The following SERF2 variants were observed in gnomAD, a reference collection of about 807,000 sequenced individuals.
SERF2 encodes the protein gastric cancer-related protein VRG107.
In SERF2, 4 loss-of-function variants were observed where a neutral mutation model predicts 10.7. The observed-to-expected ratio is 0.37, with a 90% CI of 0.18 to 0.86. The LOEUF (loss-of-function observed/expected upper bound fraction) is 0.86. Among genes scored for constraint, SERF2 ranks in the 40% least tolerant of loss-of-function variants. SERF2 has a pLI of 0.43. For missense variants in SERF2, 47 were observed against 79.1 expected, an observed-to-expected ratio of 0.59 and a Z score of 1.54; for synonymous variants, 26 against 26.0, an observed-to-expected ratio of 1.00 and a Z score of 0.01.
At chr15:43,792,445 G>A (rs2141678680) in intron 1 of SERF2, 62 bp downstream of exon 1, 2 of 1,613,376 alleles carry the variant, frequency 1.2e-6, no homozygotes, top group South Asian at 2.2e-5. Flanking sequence ...CACCACCGGC[G>A]AGGCGCCGGC....
At chr15:43,792,938 C>A (rs1380542134) in intron 1 of SERF2, 37 bp from the exon 2 acceptor site, 26 of 1,448,278 alleles carry the variant, frequency 1.8e-5, no homozygotes, top group Non-Finnish European at 2.4e-5. Context: ...GTGGGCAGAG[C>A]GGCCCCCGCG....
At position 43,796,004 on chromosome 15, in the gene SERF2, A is replaced by G; in HGVS notation, c.*2231A>G. 1 of 687,606 alleles carries G rather than the reference A, an allele frequency of 1.5e-6. No homozygotes were observed. Among genetic ancestry groups the G allele is most frequent in the Non-Finnish European group, 2.6e-6 (1 of 387,438 alleles). 42.6% of individuals were successfully genotyped at this position (687,606 alleles called of 1,614,324 possible). On this transcript the variant is annotated 3_prime_UTR_variant, in exon 3 of 3. Coordinates refer to ENST00000249786, the MANE Select transcript of SERF2 (RefSeq NM_001018108.4). ...AAATTAAATGAGATTATGTAAAAGTATCTAGCACAGTTGCCTAGCACATTG... is the reference window on the plus strand; with the variant it reads ...AAATTAAATGAGATTATGTAAAAGTGTCTAGCACAGTTGCCTAGCACATTG...
chr15:43,793,264 G>T, intron 2 of SERF2, 181 bp downstream of exon 2: 1 of 586,202 alleles, frequency 1.7e-6, no homozygotes, highest in East Asian at 2.8e-5. Flanking sequence ...CAGCCTTACA[G>T]GAAAGGACGG....
intron 1 of SERF2, among the ~76,000 whole-genome samples, chr15:43,781,727 G>A (rs2086966336): frequency 6.6e-6 from 1 of 151,368 alleles, no homozygotes; most frequent in Non-Finnish European, 1.5e-5. Context: ...GGGACTATAG[G>A]CATGCCACCA....
At chr15:43,787,970 G>A (rs958467797), upstream of SERF2, among the ~76,000 whole-genome samples, 2 of 150,790 alleles carry the variant, frequency 1.3e-5, no homozygotes, top group African/African-American at 2.4e-5. Flanking sequence ...CTCCTCCCAG[G>A]TGCAAGCAAT....
chr15:43,790,090 C>T (rs1176935740), upstream of SERF2, among the ~76,000 whole-genome samples: 2 of 149,988 alleles, frequency 1.3e-5, no homozygotes, highest in Non-Finnish European at 3.0e-5. Flanking sequence ...TGCAGTGAGC[C>T]GAAATCGCAC....
chr15:43,792,111 C>A, upstream of SERF2: 26 of 504,706 alleles, frequency 5.2e-5, no homozygotes, highest in East Asian at 1.5e-4. Flanking sequence ...GGCCTAGTTT[C>A]TCCAGGCCCG....
At chr15:43,791,074 A>G (rs1052747190), upstream of SERF2, among the ~76,000 whole-genome samples, 11 of 133,772 alleles carry the variant, frequency 8.2e-5, no homozygotes, top group African/African-American at 2.8e-4. Context: ...AGCCTTTCTT[A>G]TTAACTCTTT....
chr15:43,795,751 G>C lies in SERF2; in HGVS notation c.*1978G>C. Reference sequence around the variant, plus strand: ...AGTGAGGGCTTCTGCAAAACAGAACGCAGGTTTTGGAATGGTCTTAAAAGA... The same window carrying C: ...AGTGAGGGCTTCTGCAAAACAGAACCCAGGTTTTGGAATGGTCTTAAAAGA... On this transcript the variant is annotated 3_prime_UTR_variant, in exon 3 of 3. Coordinates refer to ENST00000249786, the MANE Select transcript of SERF2 (RefSeq NM_001018108.4). 1.2e-6 allele frequency: 2 copies of C among 1,612,616 alleles called. No homozygotes were observed. Among genetic ancestry groups the C allele is most frequent in the South Asian group, 2.2e-5 (2 of 90,948 alleles).
In SERF2 at chr15:43,795,189, C is replaced by T. The variant is rs754369141; in HGVS notation, c.*1416C>T. The T allele has an allele frequency of 3.1e-6, 5 of 1,614,002 alleles. No homozygotes were observed. Among genetic ancestry groups the T allele is most frequent in the Admixed American group, 1.7e-5 (1 of 60,004 alleles). On this transcript the variant is annotated 3_prime_UTR_variant, in exon 3 of 3. Transcript: ENST00000249786. Reference sequence around the variant, plus strand: ...TGGCCCAGCTACCCTTGATGAAGGTCTTTTCCAGTTCTGCTCCCTCATAGC... The same window carrying T: ...TGGCCCAGCTACCCTTGATGAAGGTTTTTTCCAGTTCTGCTCCCTCATAGC...
chr15:43,781,894 CT>C (rs34126146), intron 1 of SERF2, among the ~76,000 whole-genome samples: 21 of 53,272 alleles, frequency 3.9e-4, no homozygotes, highest in Admixed American at 8.0e-4. Flanking sequence ...ACTTCTTCTT[CT>C]TTTTTTTTTT....
At chr15:43,793,614 T>A in intron 2 of SERF2, 96 bp from the exon 3 acceptor site, 4 of 1,607,904 alleles carry the variant, frequency 2.5e-6, no homozygotes, top group Non-Finnish European at 3.4e-6. Context: ...CTTAGTCCCA[T>A]CCACTTCCAT....
At position 43,794,892 on chromosome 15, in the gene SERF2, G is replaced by A. The variant is rs1056857418; in HGVS notation, c.*1119G>A. On this transcript the variant is annotated 3_prime_UTR_variant, in exon 3 of 3. Transcript: ENST00000249786. The stretch of plus-strand genomic sequence containing the variant: ...TCATAGTATTGACTTCAGCCCAAAC[G>A]GAGATAACTCCCTGTGTGTCCTTGA... The A allele has an allele frequency of 2.5e-5, 21 of 831,356 alleles. No individual in the cohort carries two copies. The highest frequency in any genetic ancestry group is 2.4e-5 in the East Asian group (1 of 41,148). The allele number at this position is 831,356 out of a possible 1,614,324, so 51.5% of individuals were successfully genotyped here.
intron 1 of SERF2, 154 bp from the exon 2 acceptor site, chr15:43,792,821 C>A (rs1193414674): frequency 2.9e-6 from 2 of 697,906 alleles, no homozygotes; most frequent in Admixed American, 5.4e-5. Context: ...GCCACTCCCC[C>A]CTACCCCAAG....
At chr15:43,787,360 C>T (rs1385097158), upstream of SERF2, among the ~76,000 whole-genome samples, 1 of 152,056 alleles carries the variant, frequency 6.6e-6, no homozygotes, top group Non-Finnish European at 1.5e-5. Context: ...TTGACTTAGC[C>T]ATTCAGTACC....
chr15:43,794,277 G>A lies in SERF2; in HGVS notation c.*504G>A, dbSNP rs568898114. 11 of 310,736 alleles carry A rather than the reference G, an allele frequency of 3.5e-5. No individual in the cohort carries two copies. The East Asian group carries it at 5.2e-4, about 15-fold the overall frequency. The allele number at this position is 310,736 out of a possible 1,614,324, so 19.2% of individuals were successfully genotyped here. ...TAGAGACTTCTTTTCTGTGATTTTT[G>A]TTCCCCACCCTTGAACACCATCTCT... is the stretch of plus-strand genomic sequence containing the variant. On this transcript the variant is annotated 3_prime_UTR_variant, in exon 3 of 3. Transcript: ENST00000249786.
At chr15:43,792,649 G>A in intron 1 of SERF2, 1 of 1,382,182 alleles carries the variant, frequency 7.2e-7, no homozygotes, top group Non-Finnish European at 9.5e-7. Context: ...TAGGCCCAGA[G>A]CCCCCACTCC....
chr15:43,778,417 T>C (rs1271308731), intron 1 of SERF2, among the ~76,000 whole-genome samples: 1 of 151,564 alleles, frequency 6.6e-6, no homozygotes, highest in Non-Finnish European at 1.5e-5. Context: ...GGTGCATGCC[T>C]GTAGTCCCAG....
At chr15:43,792,708 T>A (rs1026676417) in intron 1 of SERF2, 5 of 1,064,340 alleles carry the variant, frequency 4.7e-6, no homozygotes, top group Admixed American at 3.0e-5. Context: ...ACACACACCT[T>A]GCCAGCTGTT....
Sources: gnomAD v4.1 joint callset for allele counts (sites outside exome capture counted in the v4.1 genomes callset) on GRCh38, gnomAD v4.1.1 for gene constraint, MANE v1.5 for transcripts, NCBI Gene and HGNC (gene_info 2026-07-23, HGNC 2026-07-21) for gene names.